Variants in BRWD3 observed in about 807,000 individuals in gnomAD.
BRWD3 encodes the protein bromodomain and WD repeat domain containing 3, also known as bromodomain and WD repeat-containing protein 3.
In BRWD3, 10 loss-of-function variants were observed where a neutral mutation model predicts 149.7. The observed-to-expected ratio is 0.07, with a 90% confidence interval of 0.04 to 0.11. BRWD3 has a LOEUF of 0.11. Ranked by LOEUF, BRWD3 falls within the 10% of genes least tolerant of loss-of-function variation. The probability of loss-of-function intolerance (pLI) is 1.00; values close to 1 mark genes in which losing one functional copy is unlikely to be tolerated. For missense variants in BRWD3, 940 were observed against 1,373.2 expected (o/e 0.68, Z 4.99); for synonymous variants, 504 against 456.7 (o/e 1.10, Z -1.32).
chrX:80,795,364 CACAT>C (rs2074226069), intron 4 of BRWD3, among the ~76,000 whole-genome samples: 2 of 109,243 alleles, frequency 1.8e-5, no homozygotes, highest in African/African-American at 6.7e-5. Flanking sequence ...CACACACACA[CACAT>C]GTGTATATAT....
chrX:80,804,299 G>T (rs1177372430), intron 4 of BRWD3, among the ~76,000 whole-genome samples: 1 of 107,503 alleles, frequency 9.3e-6, no homozygotes, highest in Non-Finnish European at 1.9e-5. Context: ...GTGCAGTGGT[G>T]CGATTCCAGC....
chrX:80,734,220 TAG>T lies in BRWD3; in HGVS notation c.986-4_986-3del. 8.8e-7 allele frequency: 1 copy of T among 1,139,249 alleles called. No individual in the cohort carries two copies. The highest frequency in any genetic ancestry group is 1.2e-6 in the Non-Finnish European group (1 of 829,918). 93.9% of individuals were successfully genotyped at this position (1,139,249 alleles called of 1,213,427 possible). ...TACCAGTTGTAATGAACATACCACC[TAG>T]AAGATTAAAAAACAAAACAAAACAT... On this transcript the variant is annotated splice_polypyrimidine_tract_variant and splice_region_variant and intron_variant, in intron 10 of 40. Transcript: ENST00000373275.
intron 6 of BRWD3, among the ~76,000 whole-genome samples, chrX:80,755,022 AG>A (rs1344654539): frequency 9.0e-6 from 1 of 111,271 alleles, no homozygotes; most frequent in Admixed American, 9.6e-5. Context: ...TAAAAAAAAA[AG>A]GAATACTGAA....
intron 29 of BRWD3, 47 bp from the exon 30 acceptor site, chrX:80,692,025 A>T (rs1311717872): frequency 8.5e-7 from 1 of 1,178,419 alleles, no homozygotes; most frequent in Admixed American, 2.2e-5. Context: ...TTATTTTCCA[A>T]TATCATGTGA....
intron 8 of BRWD3, among the ~76,000 whole-genome samples, chrX:80,741,409 C>A (rs1295084973): frequency 1.8e-5 from 2 of 111,268 alleles, no homozygotes; most frequent in Non-Finnish European, 3.8e-5. Flanking sequence ...ATTTATAATC[C>A]TTTGGGTATA....
chrX:80,744,313 CA>C, intron 7 of BRWD3, 60 bp from the exon 8 acceptor site: 2 of 851,048 alleles, frequency 2.4e-6, no homozygotes, highest in Non-Finnish European at 3.5e-6. Context: ...TACCCCCACC[CA>C]AAAAATAGCC....
At chrX:80,720,355 T>C (rs1281827931) in intron 17 of BRWD3, among the ~76,000 whole-genome samples, 1 of 111,404 alleles carries the variant, frequency 9.0e-6, no homozygotes, top group Non-Finnish European at 1.9e-5. Context: ...GACAGGGATA[T>C]TGATAATCTT....
chrX:80,705,499 A>G lies in BRWD3; in HGVS notation c.2553-653T>C, dbSNP rs764973145. Among the ~76,000 whole-genome samples, 18 of 111,560 alleles carry G rather than the reference A, an allele frequency of 1.6e-4. No individual in the cohort carries two copies. The South Asian group carries it at 6.7e-3, about 42-fold the overall frequency. On this transcript the variant is annotated intron_variant, in intron 22 of 40. Coordinates refer to ENST00000373275, the MANE Select transcript of BRWD3 (RefSeq NM_153252.5). ...TTAAAACTGAAATAAATACATATAC[A>G]GTCATATACAGTCATGAGTCAGTTA...
chrX:80,682,118 C>G, intron 38 of BRWD3, 24 bp from the exon 39 acceptor site: 4 of 1,141,684 alleles, frequency 3.5e-6, no homozygotes, highest in Non-Finnish European at 4.8e-6. Context: ...TATGTAACAA[C>G]GAGCATTTTT....
chrX:80,802,464 A>T (rs899893715), intron 4 of BRWD3, among the ~76,000 whole-genome samples: 2,006 of 107,400 alleles, frequency 0.019, 62 homozygotes, highest in African/African-American at 0.064. Context: ...AAAAAAAAAA[A>T]AAAATTAAAA....
intron 4 of BRWD3, among the ~76,000 whole-genome samples, chrX:80,801,507 C>A (rs761099761): frequency 6.4e-5 from 7 of 108,677 alleles, no homozygotes; most frequent in Admixed American, 3.0e-4. Context: ...TGAGCAACCG[C>A]GCCCGGACGA....
At chrX:80,740,099 T>A (rs1405098745) in intron 8 of BRWD3, among the ~76,000 whole-genome samples, 1 of 112,045 alleles carries the variant, frequency 8.9e-6, no homozygotes, top group Non-Finnish European at 1.9e-5. Context: ...AATGTTGACA[T>A]GAATTTTTTT....
At chrX:80,703,731 T>C in intron 23 of BRWD3, 138 bp from the exon 24 acceptor site, 1 of 430,090 alleles carries the variant, frequency 2.3e-6, no homozygotes, top group South Asian at 5.1e-5. Flanking sequence ...AGTATATAAA[T>C]TTGAATGATT....
chrX:80,743,921 G>A lies in BRWD3; in HGVS notation c.813+111C>T, dbSNP rs2073555745. On this transcript the variant is annotated intron_variant, in intron 8 of 40. Coordinates refer to ENST00000373275, the MANE Select transcript of BRWD3 (RefSeq NM_153252.5). ...GGGTAGGAGCAAAGTCCAGAAGAGA[G>A]CATTTTTCTCTTGTTATTCTTTGGG... The A allele has an allele frequency of 1.3e-5, 8 of 629,736 alleles. No homozygotes were observed. The South Asian group carries it at 2.4e-4, about 19-fold the overall frequency. 51.9% of individuals were successfully genotyped at this position (629,736 alleles called of 1,213,427 possible). A position where few individuals can be genotyped will look rare whatever the true frequency, so the allele number is the denominator to read the frequency against.
chrX:80,740,050 T>A (rs889541217), intron 8 of BRWD3, among the ~76,000 whole-genome samples: 1 of 111,761 alleles, frequency 8.9e-6, no homozygotes, highest in East Asian at 2.8e-4. Flanking sequence ...ACTGATAATC[T>A]CCCAAATCAA....
chrX:80,671,493 G>A lies in BRWD3; in HGVS notation c.*5116C>T, dbSNP rs1397992523. ...AGGTAACTCCATATTTCTTTCTTCTGGTTAATTTTTCTCTGGTACATAAAT... is the reference window on the plus strand; with the variant it reads ...AGGTAACTCCATATTTCTTTCTTCTAGTTAATTTTTCTCTGGTACATAAAT... On this transcript the variant is annotated 3_prime_UTR_variant, in exon 41 of 41. Coordinates refer to ENST00000373275, the MANE Select transcript of BRWD3 (RefSeq NM_153252.5). 1 of 111,699 alleles carries A rather than the reference G, an allele frequency of 9.0e-6. No homozygotes were observed. Among genetic ancestry groups the A allele is most frequent in the Non-Finnish European group, 1.9e-5 (1 of 53,092 alleles). The allele number at this position is 111,699 out of a possible 1,213,427, so 9.2% of individuals were successfully genotyped here. A position where few individuals can be genotyped will look rare whatever the true frequency, so the allele number is the denominator to read the frequency against.
At position 80,676,844 on chromosome X, in the gene BRWD3, C is replaced by T; in HGVS notation, c.5174G>A (p.Arg1725Gln). The change falls in exon 41 of 41, where the codon CGA becomes CAA. Residue 1725 changes from arginine (R) to glutamine (Q), a missense_variant. By Grantham distance (43) the Arg-to-Gln change is conservative. Transcript: ENST00000373275. ...GASRGATRAK[R>Q]ARIADDEFDT... Reference sequence around the variant, plus strand: ...AAATTCATCATCTGCAATACGTGCTCGTTTGGCTCTGGTAGCTCCTCTAGA... The same window carrying T: ...AAATTCATCATCTGCAATACGTGCTTGTTTGGCTCTGGTAGCTCCTCTAGA... 8.3e-7 allele frequency: 1 copy of T among 1,211,194 alleles called. No homozygotes were observed. The highest frequency in any genetic ancestry group is 1.1e-6 in the Non-Finnish European group (1 of 895,348).
intron 10 of BRWD3, 88 bp downstream of exon 10, chrX:80,735,039 A>G (rs2147777127): frequency 1.2e-6 from 1 of 829,573 alleles, no homozygotes; most frequent in Non-Finnish European, 1.8e-6. Context: ...TTAACACTCA[A>G]ATGTGTATCT....
rs1334420006 is a variant in BRWD3 at position 80,802,458 on chromosome X, A to T, written c.180+6081T>A. The stretch of plus-strand genomic sequence containing the variant: ...CTCTCATCTTAAAAAAAAAAAAAAA[A>T]AAAAAAAAAATTAAAAATTAAGAAA... On this transcript the variant is annotated intron_variant, in intron 4 of 40. Transcript: ENST00000373275. Among the ~76,000 whole-genome samples, 496 of 106,097 alleles carry T rather than the reference A, an allele frequency of 4.7e-3. 5 individuals are homozygous for T. Among genetic ancestry groups the T allele is most frequent in the African/African-American group, 0.016 (466 of 28,415 alleles). 92.1% of individuals were successfully genotyped at this position (106,097 alleles called of 115,157 possible).
Sources: allele counts gnomAD v4.1 joint callset (sites outside exome capture counted in the v4.1 genomes callset), GRCh38; gene constraint gnomAD v4.1.1; transcripts MANE v1.5; gene names NCBI Gene and HGNC (gene_info 2026-07-23, HGNC 2026-07-21).